RANBP17: variants seen among roughly 807,000 people sequenced by gnomAD.
RANBP17 encodes RAN binding protein 17, also known as ran-binding protein 17.
Under a neutral mutation model 141.2 loss-of-function variants are expected in RANBP17, and 158 were observed. The ratio of observed to expected loss-of-function variants is 1.12; its 90% confidence interval spans 0.98 to 1.28. RANBP17 has a LOEUF of 1.28. Among genes scored for constraint, RANBP17 ranks in the 50% most tolerant of loss-of-function variants. The probability of loss-of-function intolerance (pLI) is 0.00; values close to 1 mark genes in which losing one functional copy is unlikely to be tolerated. For synonymous variants in RANBP17, 430 were observed against 450.0 expected (o/e 0.96, Z 0.56); for missense variants, 1,438 against 1,290.7 (o/e 1.11, Z -1.75).
At position 171,183,334 on chromosome 5, in the gene RANBP17, C is replaced by G. The variant is rs776369748; in HGVS notation, c.1942C>G (p.Pro648Ala). The change falls in exon 18 of 28, where the codon CCT (proline) becomes GCT (alanine). Residue 648 changes from proline to alanine, a missense_variant. Physicochemically the swap from Pro to Ala is conservative, Grantham distance 27. Coordinates refer to ENST00000523189, the MANE Select transcript of RANBP17 (RefSeq NM_022897.5). Reference protein sequence around the residue: ...MLKNHTSEHFPFLGISDNHSL... With the variant: ...MLKNHTSEHFAFLGISDNHSL... ...TTGCTTTCATTAGAGTGAACACTTC[C>G]CTTTTCTTGGCATCAGTGACAATCA... 3.7e-6 allele frequency: 6 copies of G among 1,613,598 alleles called. No homozygotes were observed. The highest frequency in any genetic ancestry group is 5.1e-6 in the Non-Finnish European group (6 of 1,179,676).
At chr5:171,245,104 G>A (rs1765134044) in intron 24 of RANBP17, among the ~76,000 whole-genome samples, 1 of 151,772 alleles carries the variant, frequency 6.6e-6, no homozygotes, top group African/African-American at 2.4e-5. Context: ...ACTCCAGCCT[G>A]GGCAACAGAG....
At chr5:170,893,792 CAA>C (rs774620605) in intron 4 of RANBP17, among the ~76,000 whole-genome samples, 23 of 103,306 alleles carry the variant, frequency 2.2e-4, no homozygotes, top group African/African-American at 4.3e-4. Flanking sequence ...GACTCCGTCT[CAA>C]AAAAAAAAAA....
At chr5:171,288,210 G>A (rs370461327) in intron 25 of RANBP17, among the ~76,000 whole-genome samples, 1 of 152,238 alleles carries the variant, frequency 6.6e-6, no homozygotes, top group East Asian at 1.9e-4. Flanking sequence ...GCCTTAGGTG[G>A]GAGGCAGGAA....
At chr5:171,175,498 A>C (rs1027844039) in intron 16 of RANBP17, among the ~76,000 whole-genome samples, 1 of 152,188 alleles carries the variant, frequency 6.6e-6, no homozygotes, top group Non-Finnish European at 1.5e-5. Context: ...GTGAACAGGC[A>C]GCCTACAGAA....
chr5:171,269,818 G>A (rs970384185), intron 25 of RANBP17, among the ~76,000 whole-genome samples: 3 of 152,170 alleles, frequency 2.0e-5, no homozygotes, highest in African/African-American at 7.2e-5. Context: ...GTTAAGTAAT[G>A]CCTAACCCTA....
chr5:171,089,566 T>G (rs2608101), intron 14 of RANBP17, among the ~76,000 whole-genome samples: 1 of 148,798 alleles, frequency 6.7e-6, no homozygotes, highest in Admixed American at 6.7e-5. Context: ...GCCTCGCTGC[T>G]GCCTTGCAGT....
chr5:170,871,082 A>G (rs188079130), intron 1 of RANBP17, among the ~76,000 whole-genome samples: 1 of 152,036 alleles, frequency 6.6e-6, no homozygotes, highest in African/African-American at 2.4e-5. Context: ...GGAGTCTTGC[A>G]CTGTTGTCTA....
chr5:171,173,662 C>T (rs986755011), intron 16 of RANBP17, among the ~76,000 whole-genome samples: 5 of 152,114 alleles, frequency 3.3e-5, no homozygotes, highest in South Asian at 2.1e-4. Flanking sequence ...ATTAAAAAGC[C>T]TTTGGTTGCC....
At chr5:171,082,815 A>G (rs1158747358) in intron 14 of RANBP17, among the ~76,000 whole-genome samples, 1 of 152,130 alleles carries the variant, frequency 6.6e-6, no homozygotes, top group Non-Finnish European at 1.5e-5. Context: ...AAGTTTTTGT[A>G]ACCTGGATTT....
intron 14 of RANBP17, among the ~76,000 whole-genome samples, chr5:171,019,668 G>T (rs750638729): frequency 1.4e-4 from 21 of 151,876 alleles, no homozygotes; most frequent in Admixed American, 3.9e-4. Flanking sequence ...TATTAGTCTA[G>T]CTAGAGGCAT....
intron 14 of RANBP17, among the ~76,000 whole-genome samples, chr5:171,110,964 A>G (rs988288332): frequency 6.6e-6 from 1 of 151,332 alleles, no homozygotes; most frequent in African/African-American, 2.4e-5. Context: ...GCACCCACTA[A>G]CTCGTCATCT....
intron 14 of RANBP17, among the ~76,000 whole-genome samples, chr5:171,003,113 G>C (rs781541273): frequency 1.2e-4 from 19 of 152,318 alleles, no homozygotes; most frequent in Middle Eastern, 6.8e-3. Context: ...ACGGAGACAT[G>C]ATGGCCAGCC....
chr5:171,242,406 A>G (rs1485373173), intron 23 of RANBP17, among the ~76,000 whole-genome samples: 1 of 152,220 alleles, frequency 6.6e-6, no homozygotes, highest in Non-Finnish European at 1.5e-5. Flanking sequence ...CAGTATTCCA[A>G]TCCAGAAAAA....
At chr5:171,214,605 T>C (rs1209644145) in intron 21 of RANBP17, among the ~76,000 whole-genome samples, 1 of 152,124 alleles carries the variant, frequency 6.6e-6, no homozygotes, top group Non-Finnish European at 1.5e-5. Context: ...TAATTTAAAG[T>C]TTTTACCCTA....
chr5:170,907,228 A>G (rs1305444549), intron 5 of RANBP17, among the ~76,000 whole-genome samples: 2 of 151,928 alleles, frequency 1.3e-5, no homozygotes, highest in African/African-American at 4.8e-5. Context: ...TATATTCACT[A>G]TCCAGTCATT....
Position 171,097,086 on chromosome 5 carries a change from C to T in RANBP17, c.1711-73044C>T, listed in dbSNP as rs374856124. The stretch of plus-strand genomic sequence containing the variant: ...CAAGGAGGTTGTAAGAATTTTCCCT[C>T]GATTTTCTAAATCTAATGCAGAAAT... On this transcript the variant is annotated intron_variant, in intron 14 of 27. Transcript: ENST00000523189. Among the ~76,000 whole-genome samples the T allele has an allele frequency of 2.1e-3, 323 of 152,170 alleles. No individual in the cohort carries two copies. The Middle Eastern group carries it at 0.027, about 13-fold the overall frequency.
In RANBP17 at chr5:170,883,434, T is replaced by C. The variant is rs369236734; in HGVS notation, c.256+1538T>C. On this transcript the variant is annotated intron_variant, in intron 3 of 27. Coordinates refer to ENST00000523189, the MANE Select transcript of RANBP17 (RefSeq NM_022897.5). ...ATTTGTTACAATTGATGAACCTACA[T>C]TGATACATCATCATTAACCAAAGTC... Among the ~76,000 whole-genome samples the C allele has an allele frequency of 4.1e-4, 62 of 152,320 alleles. 1 individual carries two copies. The South Asian group carries it at 0.012, about 31-fold the overall frequency.
chr5:171,172,451 A>T (rs1412744058), intron 16 of RANBP17, among the ~76,000 whole-genome samples: 1 of 151,568 alleles, frequency 6.6e-6, no homozygotes, highest in African/African-American at 2.4e-5. Context: ...TTTCCTTTTT[A>T]CTGGAAAGTG....
chr5:171,149,412 T>G (rs940927870), intron 14 of RANBP17, among the ~76,000 whole-genome samples: 1 of 152,236 alleles, frequency 6.6e-6, no homozygotes, highest in African/African-American at 2.4e-5. Flanking sequence ...TTAATTTTAT[T>G]CTTTTCACTT....
Sources: gnomAD v4.1 joint callset for allele counts (sites outside exome capture counted in the v4.1 genomes callset) on GRCh38, gnomAD v4.1.1 for gene constraint, MANE v1.5 for transcripts, NCBI Gene and HGNC (gene_info 2026-07-23, HGNC 2026-07-21) for gene names.